The following SEMA3A variants were observed in gnomAD, a reference collection of about 807,000 sequenced individuals.
SEMA3A encodes the protein semaphorin-3A.
SEMA3A carries 29 observed loss-of-function variants against 97.9 expected under a neutral mutation model. The ratio of observed to expected loss-of-function variants is 0.30; its 90% CI spans 0.22 to 0.40. SEMA3A has a LOEUF of 0.40. SEMA3A is among the 10% of genes least tolerant of loss of function. The probability of loss-of-function intolerance (pLI) is 1.00; values close to 1 mark genes in which losing one functional copy is unlikely to be tolerated. For missense variants in SEMA3A, 763 were observed against 951.3 expected, an observed-to-expected ratio of 0.80 and a Z score of 2.60; for synonymous variants, 321 against 323.7, an observed-to-expected ratio of 0.99 and a Z score of 0.09.
At chr7:84,295,952 G>T (rs1452705995) in intron 3 of SEMA3A, among the ~76,000 whole-genome samples, 1 of 152,004 alleles carries the variant, frequency 6.6e-6, no homozygotes, top group African/African-American at 2.4e-5. Context: ...TACTCATGTT[G>T]TGTTAGAAGC....
intron 15 of SEMA3A, among the ~76,000 whole-genome samples, chr7:83,974,200 C>T (rs1487530385): frequency 6.6e-6 from 1 of 151,962 alleles, no homozygotes; most frequent in Non-Finnish European, 1.5e-5. Flanking sequence ...CAGCCACCGG[C>T]GACAGAGGAG....
In SEMA3A at chr7:84,060,519, C is replaced by T; in HGVS notation, c.493G>A (p.Gly165Ser). The part of the protein sequence containing the change: ...FKLENSHFEN[G>S]RGKSPYDPKL... ...GGGTCATATGGACTCTTCCCACGGCCGTTTTCAAAATGTGAGTTCTCCAGC... is the reference window on the plus strand; with the variant it reads ...GGGTCATATGGACTCTTCCCACGGCTGTTTTCAAAATGTGAGTTCTCCAGC... Residue 165 changes from glycine (G) to serine (S), a missense_variant, in exon 5 of 17, where the codon GGC (glycine) becomes AGC (serine). Gly to Ser is a moderately conservative substitution (Grantham distance 56). Transcript: ENST00000265362. The T allele has an allele frequency of 6.3e-7, 1 of 1,595,090 alleles. No homozygotes were observed. The highest frequency in any genetic ancestry group is 8.5e-7 in the Non-Finnish European group (1 of 1,172,856).
chr7:84,052,690 G>T (rs1024984504), intron 5 of SEMA3A, among the ~76,000 whole-genome samples: 2 of 151,952 alleles, frequency 1.3e-5, no homozygotes, highest in African/African-American at 4.8e-5. Flanking sequence ...TTTTGGAAGG[G>T]TTTTTTTGTG....
chr7:84,026,156 C>T (rs1338891644), intron 6 of SEMA3A, among the ~76,000 whole-genome samples: 1 of 152,128 alleles, frequency 6.6e-6, no homozygotes, highest in Non-Finnish European at 1.5e-5. Context: ...GGATATTGGA[C>T]TTACAAGCAT....
intron 3 of SEMA3A, among the ~76,000 whole-genome samples, chr7:84,300,304 A>G (rs1479813459): frequency 1.3e-5 from 2 of 152,182 alleles, no homozygotes; most frequent in Non-Finnish European, 2.9e-5. Flanking sequence ...ATATAAATAC[A>G]CAGAAAATTT....
At chr7:84,070,624 A>C (rs748500297) in intron 4 of SEMA3A, among the ~76,000 whole-genome samples, 32 of 152,150 alleles carry the variant, frequency 2.1e-4, no homozygotes, top group Non-Finnish European at 4.3e-4. Context: ...GACGGTATTG[A>C]AAGAATGTAT....
intron 2 of SEMA3A, among the ~76,000 whole-genome samples, chr7:84,338,370 A>G (rs1802087540): frequency 6.6e-6 from 1 of 152,056 alleles, no homozygotes; most frequent in Non-Finnish European, 1.5e-5. Flanking sequence ...AGGAAGTTAA[A>G]CCATAAATTA....
chr7:84,470,501 G>C (rs981924909), intron 1 of SEMA3A, among the ~76,000 whole-genome samples: 1 of 152,094 alleles, frequency 6.6e-6, no homozygotes, highest in Non-Finnish European at 1.5e-5. Context: ...GAGAAGATGG[G>C]AGAGTACAGA....
chr7:84,332,606 A>T (rs1801933851), intron 2 of SEMA3A, among the ~76,000 whole-genome samples: 1 of 152,096 alleles, frequency 6.6e-6, no homozygotes, highest in Admixed American at 6.6e-5. Context: ...AGTTAAAAGA[A>T]CATAGCTTTA....
chr7:84,153,041 A>C (rs1306991141), intron 1 of SEMA3A, among the ~76,000 whole-genome samples: 1 of 152,152 alleles, frequency 6.6e-6, no homozygotes, highest in East Asian at 1.9e-4. Flanking sequence ...TTAGTTTAAA[A>C]GTTCATAGCT....
chr7:84,112,086 T>A (rs1220824282), intron 3 of SEMA3A, among the ~76,000 whole-genome samples: 5 of 152,192 alleles, frequency 3.3e-5, no homozygotes, highest in African/African-American at 1.2e-4. Flanking sequence ...CAGGCATTCA[T>A]GGGCCTTTCC....
At position 84,103,846 on chromosome 7, in the gene SEMA3A, G is replaced by A. The variant is rs534206899; in HGVS notation, c.453+6624C>T. On this transcript the variant is annotated intron_variant, in intron 4 of 16. Coordinates refer to ENST00000265362, the MANE Select transcript of SEMA3A (RefSeq NM_006080.3). ...TACCAAACAGGTGAACAGGCAATGG[G>A]ATTTAGTGTTATTTTTCATGTTTTT... 3.3e-5 allele frequency among the ~76,000 whole-genome samples: 5 copies of A among 152,162 alleles called. No individual in the cohort carries two copies. The South Asian group carries it at 8.3e-4, about 25-fold the overall frequency.
intron 3 of SEMA3A, among the ~76,000 whole-genome samples, chr7:84,241,226 T>G (rs1239799363): frequency 1.3e-5 from 2 of 152,188 alleles, no homozygotes; most frequent in African/African-American, 4.8e-5. Context: ...CCACCAACAG[T>G]GTAAAAGCAT....
chr7:84,470,705 CT>C (rs552618310), intron 1 of SEMA3A, among the ~76,000 whole-genome samples: 226 of 149,280 alleles, frequency 1.5e-3, no homozygotes, highest in Middle Eastern at 6.9e-3. Flanking sequence ...CTCCAATTAT[CT>C]TTTTTTTTTA....
intron 13 of SEMA3A, among the ~76,000 whole-genome samples, chr7:83,983,440 T>G (rs920432436): frequency 2.6e-5 from 4 of 152,066 alleles, no homozygotes; most frequent in African/African-American, 9.7e-5. Flanking sequence ...ATGAGCAAAA[T>G]GTATATTTAT....
At chr7:83,962,810 A>C (rs953459159) in intron 16 of SEMA3A, among the ~76,000 whole-genome samples, 2 of 152,200 alleles carry the variant, frequency 1.3e-5, no homozygotes, top group African/African-American at 4.8e-5. Context: ...TTAAGGAGGA[A>C]GGTAATGGAT....
chr7:84,228,779 C>T (rs1799049926), intron 3 of SEMA3A, among the ~76,000 whole-genome samples: 1 of 152,044 alleles, frequency 6.6e-6, no homozygotes, highest in African/African-American at 2.4e-5. Flanking sequence ...CTGACTGCAA[C>T]CTTCCTGTCT....
chr7:84,046,021 G>A lies in SEMA3A; in HGVS notation c.667+303C>T, dbSNP rs556800361. On this transcript the variant is annotated intron_variant, in intron 6 of 16. Transcript: ENST00000265362. ...TTTGTTGTGGTGTCCCCATAAGACA[G>A]AATTGGTAAGTCATCTTATCTTTTT... Among the ~76,000 whole-genome samples, 3 of 150,898 alleles carry A rather than the reference G, an allele frequency of 2.0e-5. No homozygotes were observed. In the South Asian group the frequency reaches 6.3e-4, roughly 32 times the overall value.
chr7:84,049,452 C>T (rs1160389174), intron 5 of SEMA3A, among the ~76,000 whole-genome samples: 1 of 152,100 alleles, frequency 6.6e-6, no homozygotes, highest in Non-Finnish European at 1.5e-5. Context: ...GTAGTATATT[C>T]TACCTTCTCT....
Sources: allele counts gnomAD v4.1 joint callset (sites outside exome capture counted in the v4.1 genomes callset), GRCh38; gene constraint gnomAD v4.1.1; transcripts MANE v1.5; gene names NCBI Gene and HGNC (gene_info 2026-07-23, HGNC 2026-07-21).